ANKRD22: variants seen among roughly 807,000 people sequenced by gnomAD.
ANKRD22 encodes ankyrin repeat domain 22.
Under a neutral mutation model 25.7 loss-of-function variants are expected in ANKRD22, and 24 were observed. The ratio of observed to expected loss-of-function variants is 0.93; its 90% CI spans 0.68 to 1.31. ANKRD22 has a LOEUF of 1.31. Ranked by LOEUF, ANKRD22 falls within the 50% of genes most tolerant of loss-of-function variation. The probability of loss-of-function intolerance (pLI) is 0.00; values close to 1 mark genes in which losing one functional copy is unlikely to be tolerated. For synonymous variants in ANKRD22, 84 were observed against 84.3 expected, an observed-to-expected ratio of 1.00 and a Z score of 0.02; for missense variants, 214 against 227.1, an observed-to-expected ratio of 0.94 and a Z score of 0.37.
Position 88,851,774 on chromosome 10 carries a change from C to T in ANKRD22, c.-167G>A. The T allele has an allele frequency of 1.5e-6, 1 of 681,392 alleles. No homozygotes were observed. The highest frequency in any genetic ancestry group is 2.6e-6 in the Non-Finnish European group (1 of 384,608). The allele number at this position is 681,392 out of a possible 1,614,324, so 42.2% of individuals were successfully genotyped here. On this transcript the variant is annotated 5_prime_UTR_variant, in exon 1 of 6. Coordinates refer to ENST00000371930, the MANE Select transcript of ANKRD22 (RefSeq NM_144590.3). Reference sequence around the variant, plus strand: ...TAGCAAACACCTGTCAGTGCTTTTCCAGCAGCTCAGGCAGCAGCACACCTT... The same window carrying T: ...TAGCAAACACCTGTCAGTGCTTTTCTAGCAGCTCAGGCAGCAGCACACCTT...
At chr10:88,851,125 C>T (rs1250580151) in intron 1 of ANKRD22, among the ~76,000 whole-genome samples, 1 of 152,082 alleles carries the variant, frequency 6.6e-6, no homozygotes, top group African/African-American at 2.4e-5. Flanking sequence ...ATAGTCTTTA[C>T]TAATATTTAC....
rs2133066683 is a variant in ANKRD22, at chr10:88,820,794, C to A, written c.*2147G>T. On this transcript the variant is annotated 3_prime_UTR_variant, in exon 6 of 6. Transcript: ENST00000371930. ...CATTCAGGTAAATCTCTTTAAAACACCTATTGTTTTTTCTATAAGCCATAT... is the reference window on the plus strand; with the variant it reads ...CATTCAGGTAAATCTCTTTAAAACAACTATTGTTTTTTCTATAAGCCATAT... 6.6e-6 allele frequency among the ~76,000 whole-genome samples: 1 copy of A among 152,074 alleles called. No homozygotes were observed. The highest frequency in any genetic ancestry group is 1.9e-4 in the East Asian group (1 of 5,180).
In ANKRD22 at chr10:88,851,613, T is replaced by C; in HGVS notation, c.-6A>G. 2 of 1,613,418 alleles carry C rather than the reference T, an allele frequency of 1.2e-6. No homozygotes were observed. The highest frequency in any genetic ancestry group is 1.7e-4 in the Middle Eastern group (1 of 6,056). On this transcript the variant is annotated 5_prime_UTR_variant, in exon 1 of 6. Transcript: ENST00000371930. ...TCAGAGTATAGGATTCCCATGCTGGTCCTTCACAGGCTTACTTCACCTCTA... is the reference window on the plus strand; with the variant it reads ...TCAGAGTATAGGATTCCCATGCTGGCCCTTCACAGGCTTACTTCACCTCTA...
At chr10:88,839,734 A>T (rs752276738) in intron 1 of ANKRD22, among the ~76,000 whole-genome samples, 10 of 152,208 alleles carry the variant, frequency 6.6e-5, no homozygotes, top group Non-Finnish European at 1.0e-4. Flanking sequence ...GATTCATCCG[A>T]TCTGGCTGGG....
chr10:88,847,903 T>C (rs1844066773), intron 1 of ANKRD22, among the ~76,000 whole-genome samples: 1 of 152,000 alleles, frequency 6.6e-6, no homozygotes, highest in Admixed American at 6.6e-5. Flanking sequence ...TTTGTGGACT[T>C]GCTTTCATGG....
In ANKRD22 at chr10:88,832,003, C is replaced by A; in HGVS notation, c.45G>T (p.Gln15His). ...ACCGCCACACTTGTCCAAAGTCATTCTGATAGGCTGCTTGGCAGATGGGCT... is the reference window on the plus strand; with the variant it reads ...ACCGCCACACTTGTCCAAAGTCATTATGATAGGCTGCTTGGCAGATGGGCT... ...YSEPICQAAY[Q>H]NDFGQVWRWV... Residue 15 changes from glutamine (Q) to histidine (H), a missense_variant, in exon 2 of 6, where the codon CAG becomes CAT. Transcript: ENST00000371930. 6.2e-7 allele frequency: 1 copy of A among 1,611,312 alleles called. No homozygotes were observed. Among genetic ancestry groups the A allele is most frequent in the South Asian group, 1.1e-5 (1 of 90,534 alleles).
chr10:88,846,316 A>G (rs1844048378), intron 1 of ANKRD22, among the ~76,000 whole-genome samples: 1 of 152,162 alleles, frequency 6.6e-6, no homozygotes, highest in African/African-American at 2.4e-5. Flanking sequence ...CGAAACACCC[A>G]CACCTATGTT....
chr10:88,820,504 C>T lies in ANKRD22; in HGVS notation c.*2437G>A. 1 of 1,548,716 alleles carries T rather than the reference C, an allele frequency of 6.5e-7. No homozygotes were observed. Among genetic ancestry groups the T allele is most frequent in the Non-Finnish European group, 8.7e-7 (1 of 1,146,150 alleles). ...GACGGTGTGAGGCCGTATTGTGAAG[C>T]ATCTGACACTGACGATCTTAGGACA... On this transcript the variant is annotated 3_prime_UTR_variant, in exon 6 of 6. Coordinates refer to ENST00000371930, the MANE Select transcript of ANKRD22 (RefSeq NM_144590.3).
At chr10:88,825,011 T>TCTCTCACACA (rs1420247268) in intron 4 of ANKRD22, among the ~76,000 whole-genome samples, 5 of 111,418 alleles carry the variant, frequency 4.5e-5, no homozygotes, top group Non-Finnish European at 1.0e-4. Flanking sequence ...TCTCTCTCTC[T>TCTCTCACACA]CACACACACA....
intron 1 of ANKRD22, among the ~76,000 whole-genome samples, chr10:88,839,653 T>C (rs534848711): frequency 6.6e-6 from 1 of 152,246 alleles, no homozygotes; most frequent in African/African-American, 2.4e-5. Flanking sequence ...ACTGTAACCC[T>C]CCTGAAGTTA....
chr10:88,831,709 G>C (rs1589324460), intron 2 of ANKRD22, 126 bp downstream of exon 2: 1 of 945,414 alleles, frequency 1.1e-6, no homozygotes, highest in East Asian at 2.8e-5. Flanking sequence ...TCTAAAGTAG[G>C]CTAAGATAAT....
At chr10:88,836,965 C>A (rs964760081) in intron 1 of ANKRD22, among the ~76,000 whole-genome samples, 2 of 152,142 alleles carry the variant, frequency 1.3e-5, no homozygotes, top group Non-Finnish European at 2.9e-5. Flanking sequence ...GAGGCCTGAG[C>A]ACATTGTCTA....
intron 1 of ANKRD22, among the ~76,000 whole-genome samples, chr10:88,837,833 T>C (rs554067085): frequency 6.6e-6 from 1 of 152,262 alleles, no homozygotes; most frequent in South Asian, 2.1e-4. Context: ...ACAGGGGAGT[T>C]CCCCTACACA....
chr10:88,831,965 T>A lies in ANKRD22; in HGVS notation c.83A>T (p.Asp28Val). The change falls in exon 2 of 6, where the codon GAC becomes GTC. Residue 28 changes from aspartate to valine, a missense_variant. Physicochemically the swap from Asp to Val is radical, Grantham distance 152. Coordinates refer to ENST00000371930, the MANE Select transcript of ANKRD22 (RefSeq NM_144590.3). ...FGQVWRWVKE[D>V]SSYANVQDGF... is the part of the protein sequence containing the mutation. ...ATCTTGAACGTTGGCATAGCTGCTG[T>A]CTTCTTTCACCCACCGCCACACTTG... is the stretch of plus-strand genomic sequence containing the variant. The A allele has an allele frequency of 6.2e-7, 1 of 1,613,936 alleles. No homozygotes were observed. Among genetic ancestry groups the A allele is most frequent in the Non-Finnish European group, 8.5e-7 (1 of 1,179,916 alleles).
At chr10:88,825,966 C>G in intron 4 of ANKRD22, 72 bp downstream of exon 4, 1 of 1,270,646 alleles carries the variant, frequency 7.9e-7, no homozygotes, top group South Asian at 1.3e-5. Flanking sequence ...AGCAACTGTA[C>G]AGATGACAAA....
intron 1 of ANKRD22, among the ~76,000 whole-genome samples, chr10:88,844,582 C>T (rs1376247239): frequency 6.6e-6 from 1 of 151,932 alleles, no homozygotes; most frequent in Non-Finnish European, 1.5e-5. Flanking sequence ...GTTTCTATAA[C>T]ATAAGTAAAC....
chr10:88,822,544 C>CTGTTTTTTTTTTTTTTTTTTTTT lies in ANKRD22; in HGVS notation c.*396_*397insAAAAAAAAAAAAAAAAAAAAACA. 2.7e-5 allele frequency: 1 copy of CTGTTTTTTTTTTTTTTTTTTTTT among 36,444 alleles called. No homozygotes were observed. The highest frequency in any genetic ancestry group is 5.9e-5 in the Non-Finnish European group (1 of 17,014). 2.3% of individuals were successfully genotyped at this position (36,444 alleles called of 1,614,324 possible). A position where few individuals can be genotyped will look rare whatever the true frequency, so the allele number is the denominator to read the frequency against. ...AAAGACTGAGTTTGGAACACCAGGG[C>CTGTTTTTTTTTTTTTTTTTTTTT]TTTTTTTTTTTTTTTTTTTTTTGAG... On this transcript the variant is annotated 3_prime_UTR_variant, in exon 6 of 6. Transcript: ENST00000371930.
intron 1 of ANKRD22, among the ~76,000 whole-genome samples, chr10:88,835,684 C>T (rs1843947410): frequency 6.6e-6 from 1 of 152,184 alleles, no homozygotes; most frequent in African/African-American, 2.4e-5. Context: ...CTTATAGGAA[C>T]ACTGCTGTAT....
intron 2 of ANKRD22, among the ~76,000 whole-genome samples, chr10:88,829,637 T>G (rs1843886617): frequency 6.7e-6 from 1 of 149,486 alleles, no homozygotes; most frequent in African/African-American, 2.4e-5. Flanking sequence ...ATTTAGAATA[T>G]GTACATTTTT....
Sources: gnomAD v4.1 joint callset for allele counts (sites outside exome capture counted in the v4.1 genomes callset) on GRCh38, gnomAD v4.1.1 for gene constraint, MANE v1.5 for transcripts, NCBI Gene and HGNC (gene_info 2026-07-23, HGNC 2026-07-21) for gene names.